The following SPPL2B variants were observed in gnomAD, a reference collection of about 807,000 sequenced individuals.
SPPL2B encodes signal peptide peptidase like 2B.
SPPL2B carries 39 observed loss-of-function variants against 59.7 expected under a neutral mutation model. The ratio of observed to expected loss-of-function variants is 0.65; its 90% CI spans 0.51 to 0.85. SPPL2B has a LOEUF of 0.85. Ranked by LOEUF, SPPL2B falls within the 40% of genes least tolerant of loss-of-function variation. The pLI, the probability that SPPL2B is intolerant of heterozygous loss-of-function variation, is 0.00. For missense variants in SPPL2B, 865 were observed against 849.0 expected (o/e 1.02, Z -0.23); for synonymous variants, 419 against 370.8 (o/e 1.13, Z -1.49).
At chr19:2,334,049 T>TCTGGGCCCCACCGTGTGC (rs570477507) in intron 1 of SPPL2B, among the ~76,000 whole-genome samples, 1 of 152,194 alleles carries the variant, frequency 6.6e-6, no homozygotes, top group Non-Finnish European at 1.5e-5. Flanking sequence ...ATCCCCCTCG[T>TCTGGGCCCCACCGTGTGC]CTGGGCCCCA....
At chr19:2,340,017 G>A (rs577983110) in intron 6 of SPPL2B, 51 bp downstream of exon 6, 183 of 1,556,042 alleles carry the variant, frequency 1.2e-4, no homozygotes, top group Non-Finnish European at 1.5e-4. Flanking sequence ...AGCCCGCCCC[G>A]TGCGGAGGGA....
In SPPL2B at chr19:2,332,891, G is replaced by A. The variant is rs1471401281; in HGVS notation, c.67-1711G>A. Among the ~76,000 whole-genome samples, 4 of 152,116 alleles carry A rather than the reference G, an allele frequency of 2.6e-5. No individual in the cohort carries two copies. The highest frequency in any genetic ancestry group is 5.9e-5 in the Non-Finnish European group (4 of 68,022). ...GAGATGTCTTTGTCAGCTGCTGGGT[G>A]GGGGCCCTGGGCAGGGGAGCAGAAG... is the stretch of plus-strand genomic sequence containing the variant. On this transcript the variant is annotated intron_variant, in intron 1 of 14. Coordinates refer to ENST00000613503, the MANE Select transcript of SPPL2B (RefSeq NM_152988.3). The surrounding 1 kb of genome is among the most constrained non-coding windows in gnomAD (Gnocchi z 4.6).
At chr19:2,347,994 G>A (rs79739863) in intron 13 of SPPL2B, among the ~76,000 whole-genome samples, 3 of 51,796 alleles carry the variant, frequency 5.8e-5, no homozygotes, top group East Asian at 7.8e-4. Flanking sequence ...ACACACTCAC[G>A]CGCTCTCATT....
chr19:2,350,078 A>T (rs1217121935), intron 13 of SPPL2B, among the ~76,000 whole-genome samples: 2 of 125,400 alleles, frequency 1.6e-5, no homozygotes, highest in Admixed American at 1.7e-4. Context: ...ACGCGCTCTC[A>T]TTCGCTTGAC....
intron 1 of SPPL2B, among the ~76,000 whole-genome samples, chr19:2,329,622 A>G (rs1280647929): frequency 6.6e-6 from 1 of 152,042 alleles, no homozygotes; most frequent in Non-Finnish European, 1.5e-5. Context: ...ACCCCCTCAG[A>G]GTTCTCACTC....
intron 14 of SPPL2B, among the ~76,000 whole-genome samples, chr19:2,352,184 A>AC (rs972831720): frequency 8.0e-5 from 12 of 150,578 alleles, no homozygotes; most frequent in South Asian, 6.4e-4. Context: ...AGTGGGTGGG[A>AC]CCCCCCCTTC....
At position 2,340,132 on chromosome 19, in the gene SPPL2B, C is replaced by T. The variant is rs751372403; in HGVS notation, c.799C>T (p.Leu267=). 3 of 1,591,096 alleles carry T rather than the reference C, an allele frequency of 1.9e-6. No individual in the cohort carries two copies. Among genetic ancestry groups the T allele is most frequent in the Non-Finnish European group, 1.7e-6 (2 of 1,174,816 alleles). ...LASATGLYSC[L]APCVRRLPFG... ...CTCCGCCACCGGCCTCTACAGCTGC[C>T]TGGCGCCCTGTGTGCGGCGGCTGCC... Residue 267 remains leucine (L), a synonymous_variant, in exon 7 of 15, where the codon CTG becomes TTG. Transcript: ENST00000613503.
At position 2,351,472 on chromosome 19, in the gene SPPL2B, G is replaced by A. The variant is rs920878182; in HGVS notation, c.1393G>A (p.Ala465Thr). The A allele has an allele frequency of 6.2e-7, 1 of 1,609,544 alleles. No homozygotes were observed. The highest frequency in any genetic ancestry group is 8.5e-7 in the Non-Finnish European group (1 of 1,178,964). The change falls in exon 14 of 15, where the codon GCC becomes ACC. Residue 465 changes from alanine to threonine, a missense_variant. Ala to Thr is a moderately conservative substitution (Grantham distance 58). Coordinates refer to ENST00000613503, the MANE Select transcript of SPPL2B (RefSeq NM_152988.3). ...VGLLVTFVAL[A>T]LMQRGQPALL... ...CCTCCTTGTGACATTCGTGGCACTG[G>A]CCCTGATGCAGCGTGGCCAGCCCGC...
Position 2,352,204 on chromosome 19 carries a change from G to A in SPPL2B, c.1515+610G>A, listed in dbSNP as rs374727652. Reference sequence around the variant, plus strand: ...GTGGGACCCCCCCTTCCAGTGTGCCGCTCAGGTGACTTCCTGGGTTCCCGG... The same window carrying A: ...GTGGGACCCCCCCTTCCAGTGTGCCACTCAGGTGACTTCCTGGGTTCCCGG... On this transcript the variant is annotated intron_variant, in intron 14 of 14. Coordinates refer to ENST00000613503, the MANE Select transcript of SPPL2B (RefSeq NM_152988.3). Among the ~76,000 whole-genome samples, 9 of 152,264 alleles carry A rather than the reference G, an allele frequency of 5.9e-5. No individual in the cohort carries two copies. In the East Asian group the frequency reaches 1.2e-3, roughly 20 times the overall value.
chr19:2,342,824 G>T (rs1323195385), intron 8 of SPPL2B: 13 of 235,628 alleles, frequency 5.5e-5, no homozygotes, highest in Admixed American at 1.9e-4. Context: ...CACCATCCTG[G>T]CCCCACCATC....
Position 2,344,439 on chromosome 19 carries a change from T to C in SPPL2B, c.1176+15T>C, listed in dbSNP as rs1969250304. The C allele has an allele frequency of 6.4e-7, 1 of 1,570,040 alleles. No individual in the cohort carries two copies. The highest frequency in any genetic ancestry group is 1.2e-5 in the South Asian group (1 of 85,768). ...CCCGTGAGAAGGTGTGTCTTCTGAC[T>C]GCAGGGTCTCAGGTTGCCATGGGTC... On this transcript the variant is annotated intron_variant, in intron 11 of 14. Coordinates refer to ENST00000613503, the MANE Select transcript of SPPL2B (RefSeq NM_152988.3).
At chr19:2,343,105 G>A (rs1043387083) in intron 8 of SPPL2B, 106 bp from the exon 9 acceptor site, 10 of 849,678 alleles carry the variant, frequency 1.2e-5, no homozygotes, top group East Asian at 1.1e-4. Flanking sequence ...AGGGCAGTGG[G>A]GCTGCGTGCT....
At chr19:2,348,434 C>T (rs1209738985) in intron 13 of SPPL2B, among the ~76,000 whole-genome samples, 2 of 84,120 alleles carry the variant, frequency 2.4e-5, no homozygotes, top group Non-Finnish European at 5.3e-5. Flanking sequence ...TCCATTCTCT[C>T]CCTCCACACA....
chr19:2,334,722 GT>G lies in SPPL2B; in HGVS notation c.186+2del, dbSNP rs1968462577. On this transcript the variant is annotated splice_donor_variant, in intron 2 of 14. Coordinates refer to ENST00000613503, the MANE Select transcript of SPPL2B (RefSeq NM_152988.3). LOFTEE classifies it high-confidence loss of function. ...TCTTCCGCACGACCTCAGCAAGGCAGTGAGTACCCGCTGGCCGGGCGCCGCT... is the reference window on the plus strand; with the variant it reads ...TCTTCCGCACGACCTCAGCAAGGCAGGAGTACCCGCTGGCCGGGCGCCGCT... The G allele has an allele frequency of 6.3e-7, 1 of 1,594,836 alleles. No individual in the cohort carries two copies. The highest frequency in any genetic ancestry group is 1.3e-5 in the African/African-American group (1 of 74,230).
At chr19:2,341,701 AAG>A (rs1352399908) in intron 8 of SPPL2B, 1 of 419,730 alleles carries the variant, frequency 2.4e-6, no homozygotes, top group East Asian at 7.5e-5. Flanking sequence ...TAACTGGCAG[AAG>A]GAAGATGTGA....
chr19:2,344,013 G>A lies in SPPL2B; in HGVS notation c.1087G>A (p.Val363Met). The A allele has an allele frequency of 6.5e-7, 1 of 1,548,284 alleles. No homozygotes were observed. The highest frequency in any genetic ancestry group is 8.7e-7 in the Non-Finnish European group (1 of 1,146,624). The change falls in exon 10 of 15, where the codon GTG becomes ATG. Residue 363 changes from valine (V) to methionine (M), a missense_variant. Val to Met is a conservative substitution (Grantham distance 21, BLOSUM62 1). Transcript: ENST00000613503. ...LVLFLYDIFF[V>M]FITPFLTKSG... is the part of the protein sequence containing the mutation. The stretch of plus-strand genomic sequence containing the variant: ...GCTGTTCCTCTACGACATCTTCTTC[G>A]TGTTCATCACGCCCTTCCTGACCAA...
intron 9 of SPPL2B, 133 bp from the exon 10 acceptor site, chr19:2,343,832 C>T: frequency 1.5e-6 from 1 of 660,634 alleles, no homozygotes; most frequent in South Asian, 1.8e-5. Context: ...CGTGGTGCGT[C>T]CCTGGCACTG....
At chr19:2,347,317 ACT>A (rs1448651851) in intron 13 of SPPL2B, among the ~76,000 whole-genome samples, 1 of 87,196 alleles carries the variant, frequency 1.1e-5, no homozygotes, top group Admixed American at 1.2e-4. Context: ...CTCCACACAC[ACT>A]CACGCGCTCT....
At chr19:2,345,441 C>G in intron 13 of SPPL2B, 111 bp downstream of exon 13, 1 of 871,506 alleles carries the variant, frequency 1.1e-6, no homozygotes, top group South Asian at 1.5e-5. Context: ...AACCCTAATT[C>G]CAACTCTAAC....
Sources: gnomAD v4.1 joint callset for allele counts (sites outside exome capture counted in the v4.1 genomes callset) on GRCh38, gnomAD v4.1.1 for gene constraint, Gnocchi (gnomAD v3.1) non-coding constraint, MANE v1.5 for transcripts, NCBI Gene and HGNC (gene_info 2026-07-23, HGNC 2026-07-21) for gene names.